ASCC1: variants seen among roughly 807,000 people sequenced by gnomAD.
The protein encoded by ASCC1 is activating signal cointegrator 1 complex subunit 1, also known as ASC-1 complex subunit P50.
A neutral mutation model predicts 46.6 loss-of-function variants in ASCC1; 35 were observed. The observed-to-expected ratio is 0.75, with a 90% CI of 0.57 to 0.99. ASCC1 has a LOEUF of 0.99. Among genes scored for constraint, ASCC1 ranks in the 50% least tolerant of loss-of-function variants. The probability of loss-of-function intolerance (pLI) is 0.00; values close to 1 mark genes in which losing one functional copy is unlikely to be tolerated. For synonymous variants in ASCC1, 143 were observed against 146.6 expected (o/e 0.98, Z 0.18); for missense variants, 376 against 428.7 (o/e 0.88, Z 1.09).
chr10:72,108,883 A>G (rs1842633242), intron 9 of ASCC1, among the ~76,000 whole-genome samples: 1 of 152,250 alleles, frequency 6.6e-6, no homozygotes, highest in Non-Finnish European at 1.5e-5. Flanking sequence ...GTACTCTGAC[A>G]GCTTACAGGC....
At chr10:72,124,995 C>T (rs1844683542) in intron 9 of ASCC1, among the ~76,000 whole-genome samples, 1 of 152,136 alleles carries the variant, frequency 6.6e-6, no homozygotes, top group African/African-American at 2.4e-5. Flanking sequence ...AATAACCAGA[C>T]ACTAGTATAT....
intron 5 of ASCC1, among the ~76,000 whole-genome samples, chr10:72,187,326 G>A (rs900224471): frequency 1.3e-5 from 2 of 152,176 alleles, no homozygotes; most frequent in African/African-American, 2.4e-5. Context: ...TTACAAGGCC[G>A]GGCACAGTGG....
intron 3 of ASCC1, among the ~76,000 whole-genome samples, chr10:72,209,808 A>AT (rs1289391268): frequency 6.0e-5 from 9 of 150,954 alleles, no homozygotes; most frequent in African/African-American, 1.7e-4. Flanking sequence ...AATTAAATAA[A>AT]TTAAATAAAA....
intron 9 of ASCC1, among the ~76,000 whole-genome samples, chr10:72,120,235 T>C (rs1411684688): frequency 6.6e-6 from 1 of 151,872 alleles, no homozygotes; most frequent in East Asian, 1.9e-4. Context: ...CTCAAATAAA[T>C]AAATAAGTAA....
intron 9 of ASCC1, among the ~76,000 whole-genome samples, chr10:72,098,279 G>A (rs1412170964): frequency 2.6e-5 from 4 of 152,320 alleles, no homozygotes; most frequent in South Asian, 2.1e-4. Context: ...AATAAGGAGC[G>A]TCAAAGAGTA....
rs1436274199 is a variant in ASCC1 at position 72,133,085 on chromosome 10, C to T, written c.843G>A (p.Met281Ile). The change falls in exon 8 of 10, where the codon ATG (methionine) becomes ATA (isoleucine). Residue 281 changes from methionine to isoleucine, a missense_variant. Coordinates refer to ENST00000672957, the MANE Select transcript of ASCC1 (RefSeq NM_001198800.3). ...WNSVKLHATV[M>I]NTLFRKDPNA... ...TGGGGTCTTTCCTGAATAGTGTATT[C>T]ATAACTGTAGCATGCAGTTTCACAC... 1 of 1,614,138 alleles carries T rather than the reference C, an allele frequency of 6.2e-7. No homozygotes were observed. Among genetic ancestry groups the T allele is most frequent in the South Asian group, 1.1e-5 (1 of 91,080 alleles).
intron 9 of ASCC1, among the ~76,000 whole-genome samples, chr10:72,123,457 T>C (rs1389511651): frequency 1.3e-5 from 2 of 152,116 alleles, no homozygotes; most frequent in Non-Finnish European, 2.9e-5. Flanking sequence ...TGTGTCAATG[T>C]GGCCTATCGA....
chr10:72,130,915 G>C (rs1845507250), intron 8 of ASCC1, among the ~76,000 whole-genome samples: 1 of 152,060 alleles, frequency 6.6e-6, no homozygotes, highest in Non-Finnish European at 1.5e-5. Flanking sequence ...GTATACTCCA[G>C]AGTTCTGAAA....
intron 7 of ASCC1, among the ~76,000 whole-genome samples, chr10:72,137,527 CAAAA>C (rs397956947): frequency 5.3e-5 from 4 of 76,116 alleles, no homozygotes; most frequent in African/African-American, 1.5e-4. Context: ...GACTCCATCT[CAAAA>C]AAAAAAAAAA....
chr10:72,214,740 GA>G (rs1045692640), intron 1 of ASCC1, among the ~76,000 whole-genome samples: 18 of 146,320 alleles, frequency 1.2e-4, no homozygotes, highest in African/African-American at 3.3e-4. Context: ...TAACCATCCA[GA>G]AAAAAAAAAG....
intron 5 of ASCC1, among the ~76,000 whole-genome samples, chr10:72,177,966 C>T (rs1351535973): frequency 2.0e-5 from 3 of 152,098 alleles, no homozygotes; most frequent in African/African-American, 7.2e-5. Flanking sequence ...AACAATATTT[C>T]TTATATAACA....
rs557549158 is a variant in ASCC1 at position 72,163,130 on chromosome 10, G to A, written c.490-1456C>T. ...ATAATGGAAAATGACAAGTGCTGGCGAGGATGTGTAGAAATTGGAACCCTC... is the reference window on the plus strand; with the variant it reads ...ATAATGGAAAATGACAAGTGCTGGCAAGGATGTGTAGAAATTGGAACCCTC... On this transcript the variant is annotated intron_variant, in intron 5 of 9. Transcript: ENST00000672957. 1.6e-3 allele frequency among the ~76,000 whole-genome samples: 236 copies of A among 152,194 alleles called. 1 individual carries two copies. The highest frequency in any genetic ancestry group is 3.9e-3 in the Admixed American group (59 of 15,278).
intron 9 of ASCC1, among the ~76,000 whole-genome samples, chr10:72,105,135 T>C (rs945865001): frequency 3.9e-5 from 6 of 152,288 alleles, no homozygotes; most frequent in South Asian, 2.1e-4. Flanking sequence ...TCAGGACCCA[T>C]TGGGTGCGGG....
At chr10:72,136,996 C>T (rs528508701) in intron 7 of ASCC1, among the ~76,000 whole-genome samples, 6 of 150,860 alleles carry the variant, frequency 4.0e-5, no homozygotes, top group Admixed American at 1.3e-4. Context: ...CACGAGGGTC[C>T]GCGGCCTCAT....
intron 6 of ASCC1, among the ~76,000 whole-genome samples, chr10:72,157,308 A>C (rs2132631980): frequency 6.6e-6 from 1 of 152,276 alleles, no homozygotes; most frequent in Middle Eastern, 3.4e-3. Flanking sequence ...TTGCCACTGA[A>C]TCCTATCAAA....
chr10:72,161,415 C>T, intron 6 of ASCC1, 123 bp downstream of exon 6: 4 of 1,244,354 alleles, frequency 3.2e-6, no homozygotes, highest in Non-Finnish European at 4.7e-6. Context: ...CCTGAGTGGG[C>T]TCCATCAAAT....
At chr10:72,195,775 A>ATG (rs1855329544) in intron 5 of ASCC1, among the ~76,000 whole-genome samples, 1 of 151,330 alleles carries the variant, frequency 6.6e-6, no homozygotes, top group African/African-American at 2.4e-5. Context: ...CAGAGGTTGC[A>ATG]GTGAGCCAAG....
intron 9 of ASCC1, among the ~76,000 whole-genome samples, chr10:72,112,839 C>CTGCACCCCA: frequency 6.8e-6 from 1 of 146,826 alleles, no homozygotes; most frequent in South Asian, 2.2e-4. Context: ...AGATCCTCCA[C>CTGCACCCCA]TGCACCCCAG....
intron 3 of ASCC1, among the ~76,000 whole-genome samples, chr10:72,205,840 G>A (rs536402567): frequency 6.6e-6 from 1 of 151,892 alleles, no homozygotes; most frequent in East Asian, 2.0e-4. Context: ...GCTGGGGGTG[G>A]TGTCTCACGC....
Sources: allele counts gnomAD v4.1 joint callset (sites outside exome capture counted in the v4.1 genomes callset), GRCh38; gene constraint gnomAD v4.1.1; transcripts MANE v1.5; gene names NCBI Gene and HGNC (gene_info 2026-07-23, HGNC 2026-07-21).